Variants in ARL13B observed in about 807,000 individuals in gnomAD.
The protein encoded by ARL13B is ARF like GTPase 13B.
Under a neutral mutation model 56.1 loss-of-function variants are expected in ARL13B, and 36 were observed. The ratio of observed to expected loss-of-function variants is 0.64; its 90% CI spans 0.49 to 0.85. ARL13B has a LOEUF of 0.85. Ranked by LOEUF, ARL13B falls within the 40% of genes least tolerant of loss-of-function variation. The probability of loss-of-function intolerance (pLI) is 0.00; values close to 1 mark genes in which losing one functional copy is unlikely to be tolerated. For synonymous variants in ARL13B, 178 were observed against 171.1 expected (o/e 1.04, Z -0.32); for missense variants, 519 against 507.1 (o/e 1.02, Z -0.23).
chr3:93,980,624 G>A, intron 1 of ARL13B, 142 bp downstream of exon 1: 2 of 1,006,802 alleles, frequency 2.0e-6, no homozygotes, highest in Non-Finnish European at 2.9e-6. Flanking sequence ...TGTCCCGGGA[G>A]GGAGAGATTG....
chr3:94,035,249 A>G (rs1048963538), intron 3 of ARL13B, 82 bp from the exon 4 acceptor site: 6 of 1,078,654 alleles, frequency 5.6e-6, no homozygotes, highest in African/African-American at 1.6e-5. Context: ...AAAAAAAAAA[A>G]AAAAAGAATG....
At chr3:94,016,278 T>A (rs964902179) in intron 3 of ARL13B, among the ~76,000 whole-genome samples, 4 of 152,032 alleles carry the variant, frequency 2.6e-5, no homozygotes, top group Non-Finnish European at 5.9e-5. Context: ...GGACCACATA[T>A]AATATTAATA....
intron 3 of ARL13B, among the ~76,000 whole-genome samples, chr3:94,011,365 ATCT>A (rs1212912870): frequency 6.6e-6 from 1 of 152,148 alleles, no homozygotes; most frequent in East Asian, 1.9e-4. Flanking sequence ...CTGCCTGGTT[ATCT>A]TCTTATCTTT....
At position 93,980,222 on chromosome 3, in the gene ARL13B, T is replaced by A. The variant is rs1237630638; in HGVS notation, c.-202T>A. The A allele has an allele frequency of 5.6e-6, 4 of 719,530 alleles. No homozygotes were observed. The highest frequency in any genetic ancestry group is 9.9e-6 in the Non-Finnish European group (4 of 402,816). The allele number at this position is 719,530 out of a possible 1,614,324, so 44.6% of individuals were successfully genotyped here. ...CTGCGTCTTTGGTCAGGTTGTTCCT[T>A]GGCTAAGAGGGCAGTCGTCGCGGAC... On this transcript the variant is annotated 5_prime_UTR_variant, in exon 1 of 10. Transcript: ENST00000394222.
intron 3 of ARL13B, among the ~76,000 whole-genome samples, chr3:94,023,633 C>CT (rs937093765): frequency 1.3e-5 from 2 of 152,116 alleles, no homozygotes; most frequent in Admixed American, 1.3e-4. Context: ...TTTAAAGTGA[C>CT]TTGCCTAAGG....
chr3:94,054,782 G>C lies in ARL13B; in HGVS notation c.*1519G>C, dbSNP rs1334241680. ...GGGACTTAGCAACCACACTGAGTGA[G>C]GTAAAAGCATTTGATTTCAGATCTA... On this transcript the variant is annotated 3_prime_UTR_variant, in exon 10 of 10. Coordinates refer to ENST00000394222, the MANE Select transcript of ARL13B (RefSeq NM_001174150.2). The C allele has an allele frequency of 2.5e-6, 1 of 402,550 alleles. No individual in the cohort carries two copies. Among genetic ancestry groups the C allele is most frequent in the Admixed American group, 2.7e-5 (1 of 37,104 alleles). 24.9% of individuals were successfully genotyped at this position (402,550 alleles called of 1,614,324 possible).
chr3:94,015,135 A>G (rs2076303821), intron 3 of ARL13B: 1 of 1,614,028 alleles, frequency 6.2e-7, no homozygotes. Context: ...TCTCAGCTAC[A>G]GGCTCTCTTT....
chr3:93,996,607 G>A lies in ARL13B; in HGVS notation c.130+663G>A, dbSNP rs564614082. The A allele has an allele frequency of 2.0e-4, 88 of 441,780 alleles. No homozygotes were observed. Among genetic ancestry groups the A allele is most frequent in the Non-Finnish European group, 3.5e-4 (77 of 217,992 alleles). 27.4% of individuals were successfully genotyped at this position (441,780 alleles called of 1,614,324 possible). ...TGCCCAAGCTGGTCTGGAATGCCTA[G>A]CCTCAAGCTATTCTTCTGCCTTGGC... On this transcript the variant is annotated intron_variant, in intron 2 of 9. Coordinates refer to ENST00000394222, the MANE Select transcript of ARL13B (RefSeq NM_001174150.2).
At chr3:94,022,831 A>AT (rs978135062) in intron 3 of ARL13B, among the ~76,000 whole-genome samples, 1 of 152,114 alleles carries the variant, frequency 6.6e-6, no homozygotes, top group Non-Finnish European at 1.5e-5. Flanking sequence ...AACATATAAC[A>AT]TTTAATTTTA....
chr3:94,026,000 T>G (rs1482616707), intron 3 of ARL13B, among the ~76,000 whole-genome samples: 1 of 152,044 alleles, frequency 6.6e-6, no homozygotes, highest in Non-Finnish European at 1.5e-5. Flanking sequence ...TCCTCATCAT[T>G]TCTGGCACCT....
chr3:93,983,127 G>C (rs1233160740), intron 1 of ARL13B, among the ~76,000 whole-genome samples: 2 of 152,104 alleles, frequency 1.3e-5, no homozygotes, highest in African/African-American at 4.8e-5. Context: ...TTGCAGATTT[G>C]TTTAATACAT....
chr3:93,981,062 A>T (rs1559961736), intron 1 of ARL13B, among the ~76,000 whole-genome samples: 1 of 152,240 alleles, frequency 6.6e-6, no homozygotes, highest in East Asian at 1.9e-4. Flanking sequence ...ACTGTAATGT[A>T]GCTTCCAATT....
chr3:93,989,334 C>G (rs143936604), intron 1 of ARL13B, among the ~76,000 whole-genome samples: 173 of 152,128 alleles, frequency 1.1e-3, no homozygotes, highest in African/African-American at 4.0e-3. Flanking sequence ...CTACTGTGTG[C>G]CCAACACATT....
intron 3 of ARL13B, among the ~76,000 whole-genome samples, chr3:94,013,040 C>T (rs571624854): frequency 1.3e-5 from 2 of 152,122 alleles, no homozygotes; most frequent in Non-Finnish European, 2.9e-5. Flanking sequence ...TTAACCTCAT[C>T]TCATATCTCA....
intron 9 of ARL13B, among the ~76,000 whole-genome samples, chr3:94,052,041 A>T (rs955468189): frequency 6.6e-6 from 1 of 151,956 alleles, no homozygotes; most frequent in African/African-American, 2.4e-5. Flanking sequence ...TGATGTTTAT[A>T]TTGACTACAG....
At chr3:94,007,604 C>T (rs1360882832) in intron 3 of ARL13B, among the ~76,000 whole-genome samples, 6 of 152,064 alleles carry the variant, frequency 3.9e-5, no homozygotes, top group African/African-American at 1.4e-4. Context: ...CTGATAAAAC[C>T]ATCAGATCTC....
intron 3 of ARL13B, among the ~76,000 whole-genome samples, chr3:94,033,303 C>CT (rs2076708967): frequency 1.3e-5 from 2 of 152,076 alleles, no homozygotes. Context: ...AAGCCCAGAC[C>CT]TCACCACTAT....
chr3:94,011,992 T>C (rs2107472366), intron 3 of ARL13B, among the ~76,000 whole-genome samples: 1 of 152,290 alleles, frequency 6.6e-6, no homozygotes, highest in South Asian at 2.1e-4. Context: ...ACTGCTCTTA[T>C]TTTACCTAAA....
At chr3:93,993,187 G>A (rs1472270763) in intron 1 of ARL13B, among the ~76,000 whole-genome samples, 1 of 152,010 alleles carries the variant, frequency 6.6e-6, no homozygotes, top group Non-Finnish European at 1.5e-5. Flanking sequence ...GTGCAGGGGC[G>A]TGATCTCGGC....
Sources: allele counts gnomAD v4.1 joint callset (sites outside exome capture counted in the v4.1 genomes callset), GRCh38; gene constraint gnomAD v4.1.1; transcripts MANE v1.5; gene names NCBI Gene and HGNC (gene_info 2026-07-23, HGNC 2026-07-21).